The following USP37 variants were observed in gnomAD, a reference collection of about 807,000 sequenced individuals.
USP37 encodes ubiquitin specific peptidase 37.
A neutral mutation model predicts 124.0 loss-of-function variants in USP37; 27 were observed. That is an observed-to-expected ratio of 0.22 (90% CI 0.16 to 0.30). The LOEUF (loss-of-function observed/expected upper bound fraction) is 0.30. USP37 is among the 10% of genes least tolerant of loss of function. The pLI, the probability that USP37 is intolerant of heterozygous loss-of-function variation, is 1.00. For missense variants in USP37, 889 were observed against 1,140.4 expected, an observed-to-expected ratio of 0.78 and a Z score of 3.17; for synonymous variants, 365 against 388.0, an observed-to-expected ratio of 0.94 and a Z score of 0.70.
intron 17 of USP37, among the ~76,000 whole-genome samples, chr2:218,481,186 A>T (rs1574861102): frequency 6.6e-6 from 1 of 152,356 alleles, no homozygotes; most frequent in East Asian, 1.9e-4. Flanking sequence ...AGGTTTTCCC[A>T]GCATACATGA....
At chr2:218,555,869 T>C (rs1692943595) in intron 4 of USP37, among the ~76,000 whole-genome samples, 1 of 152,122 alleles carries the variant, frequency 6.6e-6, no homozygotes, top group African/African-American at 2.4e-5. Context: ...ACTCAAAAAC[T>C]TGAGACTCTC....
intron 21 of USP37, among the ~76,000 whole-genome samples, chr2:218,464,486 C>T (rs571790265): frequency 1.3e-5 from 2 of 152,290 alleles, no homozygotes; most frequent in South Asian, 4.1e-4. Context: ...GATCCACCCA[C>T]CTTGGCCTCC....
At chr2:218,548,876 C>T (rs566844922) in intron 6 of USP37, among the ~76,000 whole-genome samples, 44 of 152,106 alleles carry the variant, frequency 2.9e-4, no homozygotes, top group Non-Finnish European at 6.3e-4. Context: ...TATGTGTTAA[C>T]ACTTATGCAT....
intron 4 of USP37, among the ~76,000 whole-genome samples, chr2:218,554,489 G>A (rs1692843168): frequency 6.6e-6 from 1 of 152,198 alleles, no homozygotes; most frequent in Non-Finnish European, 1.5e-5. Context: ...GCTCATGCCT[G>A]TAATCCCAGC....
intron 15 of USP37, among the ~76,000 whole-genome samples, chr2:218,488,030 C>T (rs544455871): frequency 2.6e-5 from 4 of 151,346 alleles, no homozygotes; most frequent in South Asian, 2.1e-4. Context: ...CCAAAAAGTA[C>T]AAAAATTCAC....
intron 9 of USP37, among the ~76,000 whole-genome samples, chr2:218,534,118 G>A (rs917625693): frequency 1.3e-5 from 2 of 152,182 alleles, no homozygotes; most frequent in African/African-American, 2.4e-5. Context: ...TTTATAAACA[G>A]AATACAAATT....
At position 218,560,893 on chromosome 2, in the gene USP37, AAAG is replaced by A. The variant is rs1472306855; in HGVS notation, c.-88-13_-88-11del. 1.3e-5 allele frequency: 2 copies of A among 152,202 alleles called. No homozygotes were observed. The highest frequency in any genetic ancestry group is 1.3e-4 in the Admixed American group (2 of 15,284). The allele number at this position is 152,202 out of a possible 1,614,324, so 9.4% of individuals were successfully genotyped here. ...ACTGTATGGCAAATAACTGAAGATA[AAAG>A]AAGATATATGAAAACACTTTCGAGA... On this transcript the variant is annotated splice_polypyrimidine_tract_variant and intron_variant, in intron 2 of 25. Transcript: ENST00000258399.
intron 21 of USP37, among the ~76,000 whole-genome samples, chr2:218,463,755 T>G (rs906485183): frequency 6.6e-6 from 1 of 151,802 alleles, no homozygotes; most frequent in African/African-American, 2.4e-5. Context: ...CAGGGTGGTC[T>G]CAATCTCCTG....
At chr2:218,500,136 G>A (rs1479523564) in intron 11 of USP37, among the ~76,000 whole-genome samples, 1 of 151,986 alleles carries the variant, frequency 6.6e-6, no homozygotes, top group Non-Finnish European at 1.5e-5. Flanking sequence ...GTGTAGTGGC[G>A]TGATCTCAGT....
At chr2:218,482,032 A>C in intron 17 of USP37, 38 bp downstream of exon 17, 1 of 1,538,892 alleles carries the variant, frequency 6.5e-7, no homozygotes, top group Non-Finnish European at 8.8e-7. Flanking sequence ...TTTCTATTTC[A>C]AAAGGGAATA....
chr2:218,479,632 A>C lies in USP37; in HGVS notation c.1901+18T>G. The stretch of plus-strand genomic sequence containing the variant: ...AACCTTAAACACAGATTTTGGGTAC[A>C]TAAGAAATATAACTCACTTTGAAGG... On this transcript the variant is annotated intron_variant, in intron 18 of 25. Coordinates refer to ENST00000258399, the MANE Select transcript of USP37 (RefSeq NM_020935.3). 1 of 1,609,846 alleles carries C rather than the reference A, an allele frequency of 6.2e-7. No individual in the cohort carries two copies. The highest frequency in any genetic ancestry group is 8.5e-7 in the Non-Finnish European group (1 of 1,176,810).
intron 11 of USP37, among the ~76,000 whole-genome samples, chr2:218,505,025 T>G (rs1416577591): frequency 1.3e-5 from 2 of 152,012 alleles, no homozygotes; most frequent in Non-Finnish European, 2.9e-5. Flanking sequence ...GAAAAAAAAA[T>G]TTGGGGGGAA....
At chr2:218,502,983 A>G (rs1450736973) in intron 11 of USP37, among the ~76,000 whole-genome samples, 1 of 152,230 alleles carries the variant, frequency 6.6e-6, no homozygotes, top group Non-Finnish European at 1.5e-5. Flanking sequence ...AAAAAAGAAG[A>G]CAAAGAAAAG....
intron 8 of USP37, among the ~76,000 whole-genome samples, chr2:218,537,546 C>A: frequency 6.6e-6 from 1 of 152,338 alleles, no homozygotes; most frequent in East Asian, 1.9e-4. Flanking sequence ...ATAAACAGAA[C>A]CACCCAGGTG....
chr2:218,473,656 G>A (rs1257083616), intron 20 of USP37, among the ~76,000 whole-genome samples: 2 of 152,110 alleles, frequency 1.3e-5, no homozygotes, highest in African/African-American at 4.8e-5. Flanking sequence ...GATAGTAAAA[G>A]TTATCTACCT....
chr2:218,553,498 T>C, intron 5 of USP37, 55 bp downstream of exon 5: 1 of 1,481,332 alleles, frequency 6.8e-7, no homozygotes. Flanking sequence ...GTCTGTAGTC[T>C]AGTCATAGCC....
At chr2:218,481,683 C>CTT (rs71403043) in intron 17 of USP37, among the ~76,000 whole-genome samples, 28 of 134,468 alleles carry the variant, frequency 2.1e-4, no homozygotes, top group East Asian at 6.3e-4. Context: ...CTTTTCTTTT[C>CTT]TTTTTTTTTT....
In USP37 at chr2:218,482,060, A is replaced by G. The variant is rs1366998896; in HGVS notation, c.1835+10T>C. ...AGGGAATATAAAGACATAGTCTCTCAAGGACTTACATTGCCATATGTGCAC... is the reference window on the plus strand; with the variant it reads ...AGGGAATATAAAGACATAGTCTCTCGAGGACTTACATTGCCATATGTGCAC... On this transcript the variant is annotated intron_variant, in intron 17 of 25. Coordinates refer to ENST00000258399, the MANE Select transcript of USP37 (RefSeq NM_020935.3). The G allele has an allele frequency of 6.3e-7, 1 of 1,599,970 alleles. No individual in the cohort carries two copies. Among genetic ancestry groups the G allele is most frequent in the East Asian group, 2.2e-5 (1 of 44,638 alleles).
intron 10 of USP37, among the ~76,000 whole-genome samples, chr2:218,517,732 T>G (rs1690376949): frequency 6.6e-6 from 1 of 152,238 alleles, no homozygotes; most frequent in Admixed American, 6.5e-5. Flanking sequence ...TTAGGCTTCT[T>G]AATTCTAAAG....
Sources: gnomAD v4.1 joint callset for allele counts (sites outside exome capture counted in the v4.1 genomes callset) on GRCh38, gnomAD v4.1.1 for gene constraint, MANE v1.5 for transcripts, NCBI Gene and HGNC (gene_info 2026-07-23, HGNC 2026-07-21) for gene names.